Variants in PREX2 observed in about 807,000 individuals in gnomAD.
PREX2 encodes phosphatidylinositol-3,4,5-trisphosphate dependent Rac exchange factor 2, also known as phosphatidylinositol 3,4,5-trisphosphate-dependent Rac exchanger 2 protein.
A neutral mutation model predicts 203.2 loss-of-function variants in PREX2; 107 were observed. The observed-to-expected ratio is 0.53, with a 90% CI of 0.45 to 0.62. PREX2 has a LOEUF of 0.62. PREX2 is among the 20% of genes least tolerant of loss of function. The pLI is 0.00. For synonymous variants in PREX2, 672 were observed against 663.6 expected, an observed-to-expected ratio of 1.01 and a Z score of -0.19; for missense variants, 1,777 against 1,955.9, an observed-to-expected ratio of 0.91 and a Z score of 1.72.
intron 37 of PREX2, among the ~76,000 whole-genome samples, chr8:68,217,301 G>T (rs1243294409): frequency 6.6e-6 from 1 of 152,118 alleles, no homozygotes; most frequent in East Asian, 1.9e-4. Context: ...TAAATTACAT[G>T]AAATATCATT....
chr8:68,005,732 T>C (rs4737885), intron 1 of PREX2, among the ~76,000 whole-genome samples: 108,129 of 151,778 alleles, frequency 0.71, 39,668 homozygotes, highest in African/African-American at 0.89. Flanking sequence ...CTTCGTAGTA[T>C]GTACCACCAT....
chr8:68,058,315 C>G (rs1445040393), intron 10 of PREX2, among the ~76,000 whole-genome samples: 1 of 152,160 alleles, frequency 6.6e-6, no homozygotes, highest in Non-Finnish European at 1.5e-5. Flanking sequence ...AGTTACATAA[C>G]AACTATCTCA....
At chr8:68,215,404 G>T (rs533886682) in intron 37 of PREX2, among the ~76,000 whole-genome samples, 1 of 152,034 alleles carries the variant, frequency 6.6e-6, no homozygotes, top group African/African-American at 2.4e-5. Context: ...TTCAGCTGGT[G>T]TAATGAACAT....
At chr8:68,031,296 G>C (rs1306518411) in intron 6 of PREX2, among the ~76,000 whole-genome samples, 1 of 152,110 alleles carries the variant, frequency 6.6e-6, no homozygotes, top group Non-Finnish European at 1.5e-5. Context: ...ACTATGCAAA[G>C]AATGAACTAA....
chr8:68,175,835 T>C (rs767431655), intron 35 of PREX2, among the ~76,000 whole-genome samples: 10 of 151,952 alleles, frequency 6.6e-5, no homozygotes, highest in Non-Finnish European at 1.0e-4. Flanking sequence ...TATGGTAACA[T>C]ATAATTTTAA....
At chr8:68,013,343 A>G (rs1157562435) in intron 1 of PREX2, among the ~76,000 whole-genome samples, 3 of 152,148 alleles carry the variant, frequency 2.0e-5, no homozygotes, top group South Asian at 2.1e-4. Context: ...TGCCAGTGAC[A>G]ATCAACTTTT....
In PREX2 at chr8:68,115,834, G is replaced by A. The variant is rs770034226; in HGVS notation, c.3228G>A (p.Glu1076=). The change falls in exon 26 of 40, where the codon GAG becomes GAA. Residue 1076 remains glutamate, a synonymous_variant. Coordinates refer to ENST00000288368, the MANE Select transcript of PREX2 (RefSeq NM_024870.4). ...EGIIPTDSDN[E]KGERNSKRVC... ...TAATACCAACAGACAGTGACAATGA[G>A]AAGGGAGAAAGAAACAGCAAACGGG... 7.4e-6 allele frequency: 12 copies of A among 1,613,926 alleles called. No homozygotes were observed. Among genetic ancestry groups the A allele is most frequent in the South Asian group, 3.3e-5 (3 of 91,078 alleles).
chr8:68,131,198 T>C (rs2129613336), intron 31 of PREX2, among the ~76,000 whole-genome samples: 1 of 152,350 alleles, frequency 6.6e-6, no homozygotes, highest in Non-Finnish European at 1.5e-5. Context: ...GGAAGTGGTA[T>C]GTTGAGAAGC....
At chr8:68,038,008 T>A (rs544740107) in intron 6 of PREX2, 151 bp from the exon 7 acceptor site, 328 of 736,664 alleles carry the variant, frequency 4.5e-4, no homozygotes, top group Non-Finnish European at 6.7e-4. Context: ...GGCCCTCCAA[T>A]CAGTGTATAA....
chr8:68,006,270 T>G (rs11991163), intron 1 of PREX2, among the ~76,000 whole-genome samples: 46,143 of 152,036 alleles, frequency 0.3, 7,251 homozygotes, highest in African/African-American at 0.37. Context: ...TATCCTGGGA[T>G]GAAGGGAGGC....
At chr8:68,180,770 T>C (rs1812069338) in intron 35 of PREX2, among the ~76,000 whole-genome samples, 1 of 152,084 alleles carries the variant, frequency 6.6e-6, no homozygotes, top group Non-Finnish European at 1.5e-5. Flanking sequence ...AATGCAGTCA[T>C]TGGCGTCCTT....
chr8:68,097,327 T>A, intron 22 of PREX2, 126 bp downstream of exon 22: 3 of 260,398 alleles, frequency 1.2e-5, no homozygotes, highest in Non-Finnish European at 1.1e-5. Flanking sequence ...TTCAAACTTC[T>A]TTTTTTTTTT....
intron 1 of PREX2, among the ~76,000 whole-genome samples, chr8:68,009,430 A>G (rs1280177969): frequency 6.6e-6 from 1 of 152,186 alleles, no homozygotes; most frequent in African/African-American, 2.4e-5. Context: ...AAGTATTATT[A>G]TGTGGGAGAC....
At chr8:68,218,910 G>T (rs1420185854) in intron 38 of PREX2, among the ~76,000 whole-genome samples, 1 of 152,184 alleles carries the variant, frequency 6.6e-6, no homozygotes, top group East Asian at 1.9e-4. Context: ...CAGCTGGAAA[G>T]GGTAAACACA....
chr8:68,157,753 A>G (rs970884759), intron 35 of PREX2, among the ~76,000 whole-genome samples: 3 of 152,054 alleles, frequency 2.0e-5, no homozygotes, highest in South Asian at 2.1e-4. Flanking sequence ...GGTGTCCCCT[A>G]TAAGATTTAT....
intron 35 of PREX2, among the ~76,000 whole-genome samples, chr8:68,160,142 A>C (rs1203665841): frequency 6.6e-6 from 1 of 152,136 alleles, no homozygotes; most frequent in Non-Finnish European, 1.5e-5. Flanking sequence ...TTCAGTTAGA[A>C]TCCTGGAAGT....
intron 30 of PREX2, 125 bp downstream of exon 30, chr8:68,121,174 A>C (rs1810766374): frequency 1.0e-6 from 1 of 998,728 alleles, no homozygotes; most frequent in South Asian, 1.5e-5. Flanking sequence ...AGAAAATAAA[A>C]GTACTGAAAA....
chr8:68,135,245 C>T (rs559376756), intron 32 of PREX2, among the ~76,000 whole-genome samples: 1 of 152,200 alleles, frequency 6.6e-6, no homozygotes, highest in South Asian at 2.1e-4. Flanking sequence ...TACTTTTAAA[C>T]TGCCATTGTC....
chr8:68,116,209 C>T (rs1585806728), intron 26 of PREX2, among the ~76,000 whole-genome samples: 1 of 152,150 alleles, frequency 6.6e-6, no homozygotes, highest in East Asian at 1.9e-4. Context: ...TTGTGTAACA[C>T]AGATAGCTGG....
Sources: allele counts gnomAD v4.1 joint callset (sites outside exome capture counted in the v4.1 genomes callset), GRCh38; gene constraint gnomAD v4.1.1; transcripts MANE v1.5; gene names NCBI Gene and HGNC (gene_info 2026-07-23, HGNC 2026-07-21).